Variants in GOLGB1 observed in about 807,000 individuals in gnomAD.
GOLGB1 encodes the protein golgin subfamily B member 1.
Under a neutral mutation model 336.9 loss-of-function variants are expected in GOLGB1, and 174 were observed. The ratio of observed to expected loss-of-function variants is 0.52; its 90% CI spans 0.46 to 0.59. The LOEUF (loss-of-function observed/expected upper bound fraction) is 0.59, where lower values mean the gene tolerates loss of function less well. Ranked by LOEUF, GOLGB1 falls within the 20% of genes least tolerant of loss-of-function variation. The probability of loss-of-function intolerance (pLI) is 0.00; values close to 1 mark genes in which losing one functional copy is unlikely to be tolerated. For synonymous variants in GOLGB1, 1,208 were observed against 1,289.2 expected, an observed-to-expected ratio of 0.94 and a Z score of 1.35; for missense variants, 3,331 against 3,645.3, an observed-to-expected ratio of 0.91 and a Z score of 2.22.
intron 10 of GOLGB1, 109 bp from the exon 11 acceptor site, chr3:121,702,704 A>G: frequency 2.4e-6 from 1 of 418,814 alleles, no homozygotes; most frequent in East Asian, 3.5e-5. Flanking sequence ...CCAGCCATGA[A>G]AATACTTTAA....
At chr3:121,730,835 A>ACATAT in intron 2 of GOLGB1, 41 bp downstream of exon 2, 1 of 1,583,040 alleles carries the variant, frequency 6.3e-7, no homozygotes, top group South Asian at 1.2e-5. Flanking sequence ...AGAACACAGA[A>ACATAT]CATATGTCTT....
In GOLGB1 at chr3:121,693,929, G is replaced by T; in HGVS notation, c.6594C>A (p.Ser2198Arg). The T allele has an allele frequency of 6.2e-7, 1 of 1,613,822 alleles. No homozygotes were observed. Among genetic ancestry groups the T allele is most frequent in the South Asian group, 1.1e-5 (1 of 91,078 alleles). Residue 2198 changes from serine to arginine, a missense_variant, in exon 13 of 22, where the codon AGC becomes AGA. Physicochemically the swap from Ser to Arg is moderately radical, Grantham distance 110. Coordinates refer to ENST00000614479, the MANE Select transcript of GOLGB1 (RefSeq NM_001366282.2). The part of the protein sequence containing the change: ...TVTQLAAFTK[S>R]MSSLQDDRDR... Reference sequence around the variant, plus strand: ...CACGATCATCCTGGAGGGAAGACATGCTCTTAGTAAAGGCTGCAAGCTGGG... The same window carrying T: ...CACGATCATCCTGGAGGGAAGACATTCTCTTAGTAAAGGCTGCAAGCTGGG...
chr3:121,714,060 A>G (rs1944560216), intron 10 of GOLGB1, among the ~76,000 whole-genome samples: 1 of 152,238 alleles, frequency 6.6e-6, no homozygotes, highest in Non-Finnish European at 1.5e-5. Flanking sequence ...TTAACAAAAC[A>G]TTGGAGGAAA....
chr3:121,727,281 TACAC>T lies in GOLGB1; in HGVS notation c.403-244_403-241del, dbSNP rs143434684. 3.3e-3 allele frequency among the ~76,000 whole-genome samples: 323 copies of T among 98,026 alleles called. 2 individuals are homozygous for T. Among genetic ancestry groups the T allele is most frequent in the East Asian group, 0.014 (36 of 2,562 alleles). The allele number at this position is 98,026 out of a possible 152,430, so 64.3% of individuals were successfully genotyped here. ...TAATAGCTATAAACTGTGAAATACA[TACAC>T]ACACACACATATATATATATATATA... On this transcript the variant is annotated intron_variant, in intron 4 of 21. Coordinates refer to ENST00000614479, the MANE Select transcript of GOLGB1 (RefSeq NM_001366282.2).
chr3:121,731,300 G>C (rs1027687234), intron 1 of GOLGB1, among the ~76,000 whole-genome samples: 2 of 151,956 alleles, frequency 1.3e-5, no homozygotes, highest in Admixed American at 6.5e-5. Context: ...CTTAAAGGTA[G>C]TTTTTATCTT....
At position 121,683,603 on chromosome 3, in the gene GOLGB1, A is replaced by C. The variant is rs993952951; in HGVS notation, c.8695-1738T>G. 1.8e-4 allele frequency among the ~76,000 whole-genome samples: 27 copies of C among 152,258 alleles called. 1 individual carries two copies. Among genetic ancestry groups the C allele is most frequent in the African/African-American group, 5.1e-4 (21 of 41,530 alleles). On this transcript the variant is annotated intron_variant, in intron 14 of 21. Coordinates refer to ENST00000614479, the MANE Select transcript of GOLGB1 (RefSeq NM_001366282.2). ...CCCTCCCCTTAAACATGAAGAGTAC[A>C]TTGAGGATTAACCTTCACCTGAAGA... is the stretch of plus-strand genomic sequence containing the variant.
chr3:121,716,924 C>A lies in GOLGB1; in HGVS notation c.1101G>T (p.Arg367=), dbSNP rs766869625. 18 of 1,613,782 alleles carry A rather than the reference C, an allele frequency of 1.1e-5. No homozygotes were observed. In the South Asian group the frequency reaches 1.9e-4, roughly 17 times the overall value. The change falls in exon 9 of 22, where the codon CGG becomes CGT. Residue 367 remains arginine (R), a synonymous_variant. Coordinates refer to ENST00000614479, the MANE Select transcript of GOLGB1 (RefSeq NM_001366282.2). ...AGQAQAELES[R]YSALEQKHKA... ...TGTGCTTCTGCTCCAAAGCACTATA[C>A]CGAGACTCTAGTTCAGCCTGGGCTT...
intron 10 of GOLGB1, among the ~76,000 whole-genome samples, chr3:121,712,003 C>G (rs1316616682): frequency 1.3e-5 from 2 of 152,022 alleles, no homozygotes; most frequent in East Asian, 3.9e-4. Context: ...CTGGAATAGT[C>G]AAAGCAATCT....
chr3:121,677,468 C>G lies in GOLGB1; in HGVS notation c.8874-18G>C, dbSNP rs201355811. ...TCTCCATCCTAGAAAAAACATGACA[C>G]AATCACAGGTAAAAATATACTTGTA... is the stretch of plus-strand genomic sequence containing the variant. On this transcript the variant is annotated intron_variant, in intron 15 of 21. Coordinates refer to ENST00000614479, the MANE Select transcript of GOLGB1 (RefSeq NM_001366282.2). 1.9e-6 allele frequency: 3 copies of G among 1,580,258 alleles called. No homozygotes were observed. The East Asian group carries it at 6.7e-5, about 35-fold the overall frequency.
chr3:121,679,494 G>A (rs565821595), intron 15 of GOLGB1, among the ~76,000 whole-genome samples: 1 of 152,278 alleles, frequency 6.6e-6, no homozygotes, highest in African/African-American at 2.4e-5. Context: ...CCATGACCCG[G>A]AAACACCAAT....
At chr3:121,680,689 C>T (rs1400763203) in intron 15 of GOLGB1, among the ~76,000 whole-genome samples, 1 of 152,040 alleles carries the variant, frequency 6.6e-6, no homozygotes, top group African/African-American at 2.4e-5. Flanking sequence ...TAAAAAGACC[C>T]TGTTGAGGGA....
chr3:121,749,821 C>G (rs1393517443), upstream of GOLGB1: 2 of 152,340 alleles, frequency 1.3e-5, no homozygotes, highest in East Asian at 3.9e-4. Flanking sequence ...CCAGGGAGAC[C>G]AGGCACACCT....
At chr3:121,669,013 C>T (rs1405417282) in intron 18 of GOLGB1, among the ~76,000 whole-genome samples, 199 bp downstream of exon 18, 1 of 152,194 alleles carries the variant, frequency 6.6e-6, no homozygotes, top group African/African-American at 2.4e-5. Context: ...CCCACCATCT[C>T]ACTGATCTTT....
intron 14 of GOLGB1, among the ~76,000 whole-genome samples, chr3:121,685,821 T>C (rs1941667627): frequency 6.6e-6 from 1 of 152,180 alleles, no homozygotes; most frequent in South Asian, 2.1e-4. Flanking sequence ...TTGTAGAATT[T>C]AGTGACTAAT....
intron 14 of GOLGB1, among the ~76,000 whole-genome samples, chr3:121,689,778 A>C (rs1351211251): frequency 6.6e-6 from 1 of 152,200 alleles, no homozygotes; most frequent in African/African-American, 2.4e-5. Context: ...CAAAGCCTTG[A>C]TAGAGTTAAC....
intron 11 of GOLGB1, 61 bp from the exon 12 acceptor site, chr3:121,699,946 T>C (rs929744532): frequency 6.4e-6 from 6 of 941,970 alleles, no homozygotes; most frequent in South Asian, 4.5e-5. Context: ...AAAAACAGGA[T>C]TGCATGTGAA....
At position 121,683,926 on chromosome 3, in the gene GOLGB1, G is replaced by A. The variant is rs368305561; in HGVS notation, c.8695-2061C>T. Among the ~76,000 whole-genome samples the A allele has an allele frequency of 4.4e-3, 668 of 151,848 alleles. 5 individuals are homozygous for A. Among genetic ancestry groups the A allele is most frequent in the African/African-American group, 0.015 (627 of 41,418 alleles). On this transcript the variant is annotated intron_variant, in intron 14 of 21. Transcript: ENST00000614479. ...GGGCAGATCACGAGGTCAAGAGATCGAGACCATCCTGGCCAACATGGTGAA... is the reference window on the plus strand; with the variant it reads ...GGGCAGATCACGAGGTCAAGAGATCAAGACCATCCTGGCCAACATGGTGAA...
chr3:121,673,695 C>CCA (rs1939904145), intron 17 of GOLGB1, among the ~76,000 whole-genome samples: 1 of 146,786 alleles, frequency 6.8e-6, no homozygotes, highest in Non-Finnish European at 1.5e-5. Context: ...TGCTATCTAT[C>CCA]TATCTATCTA....
chr3:121,673,866 G>A (rs375359823), intron 17 of GOLGB1, among the ~76,000 whole-genome samples: 6 of 152,168 alleles, frequency 3.9e-5, no homozygotes, highest in East Asian at 3.9e-4. Context: ...GATTACAGGC[G>A]TGCACCACCA....
Sources: gnomAD v4.1 joint callset for allele counts (sites outside exome capture counted in the v4.1 genomes callset) on GRCh38, gnomAD v4.1.1 for gene constraint, MANE v1.5 for transcripts, NCBI Gene and HGNC (gene_info 2026-07-23, HGNC 2026-07-21) for gene names.